Variants in AHDC1 observed in about 807,000 individuals in gnomAD.
AHDC1 encodes transcription factor Gibbin.
In AHDC1, 7 loss-of-function variants were observed where a neutral mutation model predicts 87.9. The observed-to-expected ratio is 0.08, with a 90% CI of 0.05 to 0.15. AHDC1 has a LOEUF of 0.15. Ranked by LOEUF, AHDC1 falls within the 10% of genes least tolerant of loss-of-function variation. AHDC1 has a pLI of 1.00. For synonymous variants in AHDC1, 1,051 were observed against 1,006.8 expected (o/e 1.04, Z -0.83); for missense variants, 1,841 against 2,253.2 (o/e 0.82, Z 3.70).
intron 8 of AHDC1, among the ~76,000 whole-genome samples, chr1:27,545,134 C>T (rs534019799): frequency 2.0e-5 from 3 of 151,122 alleles, no homozygotes; most frequent in South Asian, 4.3e-4. Flanking sequence ...ATGCTGTGTG[C>T]GCTCACAAGC....
At chr1:27,543,286 T>A (rs2019012670) in intron 8 of AHDC1, among the ~76,000 whole-genome samples, 1 of 152,196 alleles carries the variant, frequency 6.6e-6, no homozygotes, top group African/African-American at 2.4e-5. Flanking sequence ...ATAGGGTCGA[T>A]CTTTAGCCCA....
chr1:27,548,575 C>T lies in AHDC1; in HGVS notation c.3541G>A (p.Gly1181Arg). ...GCCTCGCTGTTGGCACGCCGAAACCCCCCGCCACCAACCGGCTGATTGAAC... is the reference window on the plus strand; with the variant it reads ...GCCTCGCTGTTGGCACGCCGAAACCTCCCGCCACCAACCGGCTGATTGAAC... Reference protein sequence around the residue: ...TQFNQPVGGGGFRRANSEASS... With the variant: ...TQFNQPVGGGRFRRANSEASS... Residue 1181 changes from glycine (G) to arginine (R), a missense_variant, in exon 8 of 9, where the codon GGG becomes AGG. Gly to Arg is a moderately radical substitution (Grantham distance 125). This residue lies in a region of AHDC1 where 505 missense variants were observed against 626.2 expected (regional missense o/e 0.81). Transcript: ENST00000673934. 6.2e-7 allele frequency: 1 copy of T among 1,613,598 alleles called. No homozygotes were observed. The highest frequency in any genetic ancestry group is 2.2e-5 in the East Asian group (1 of 44,888).
intron 3 of AHDC1, among the ~76,000 whole-genome samples, chr1:27,571,760 G>C (rs2088525000): frequency 1.3e-5 from 2 of 152,038 alleles, no homozygotes; most frequent in South Asian, 2.1e-4. Context: ...GTGTGTGCCA[G>C]GCGCTGGCAG....
chr1:27,566,716 AC>A (rs1397694466), intron 3 of AHDC1, among the ~76,000 whole-genome samples: 2 of 106,730 alleles, frequency 1.9e-5, no homozygotes, highest in East Asian at 6.4e-4. Flanking sequence ...CATTGCCAGA[AC>A]TGGGGGGGGA....
rs913338538 is a variant in AHDC1 at position 27,549,572 on chromosome 1, G to T, written c.2544C>A (p.Asp848Glu). 1.2e-6 allele frequency: 2 copies of T among 1,613,232 alleles called. No individual in the cohort carries two copies. The highest frequency in any genetic ancestry group is 2.7e-5 in the African/African-American group (2 of 75,066). ...GYFRSLLDSDDSSDLLDFALS... is the reference protein window; with the variant it reads ...GYFRSLLDSDESSDLLDFALS... The stretch of plus-strand genomic sequence containing the variant: ...GGGCAAAGTCCAAGAGATCGGAGGA[G>T]TCATCCGAATCGAGCAGCGAGCGAA... Residue 848 changes from aspartate (D) to glutamate (E), a missense_variant, in exon 8 of 9, where the codon GAC (aspartate) becomes GAA (glutamate). Physicochemically the swap from Asp to Glu is conservative, Grantham distance 45. Transcript: ENST00000673934.
intron 8 of AHDC1, among the ~76,000 whole-genome samples, chr1:27,545,470 G>A (rs560214367): frequency 1.1e-3 from 167 of 152,154 alleles, no homozygotes; most frequent in African/African-American, 3.8e-3. Context: ...ACTTCACTGA[G>A]CTGTGACCTG....
intron 8 of AHDC1, among the ~76,000 whole-genome samples, chr1:27,535,278 G>C (rs2018592445): frequency 6.6e-6 from 1 of 152,174 alleles, no homozygotes; most frequent in South Asian, 2.1e-4. Flanking sequence ...GCATGTTGTT[G>C]AACTTCTGTG....
chr1:27,547,708 G>C lies in AHDC1; in HGVS notation c.4408C>G (p.Pro1470Ala). The change falls in exon 8 of 9, where the codon CCA becomes GCA. Residue 1470 changes from proline (P) to alanine (A), a missense_variant. Transcript: ENST00000673934. This position sits in a 1 kb window ranked among gnomAD's most constrained non-coding sequence, Gnocchi z 4.9. ...GGCGGGCTGCGGGCAGCTGAGCCTG[G>C]AGGGTACCAATAGGCTGTGCCCTTG... Reference protein sequence around the residue: ...SCKGTAYWYPPGSAARSPPYE... With the variant: ...SCKGTAYWYPAGSAARSPPYE... The C allele has an allele frequency of 1.9e-6, 3 of 1,597,362 alleles. No individual in the cohort carries two copies. In the South Asian group the frequency reaches 3.3e-5, roughly 18 times the overall value.
chr1:27,577,937 G>A (rs1432765449), intron 3 of AHDC1, among the ~76,000 whole-genome samples: 1 of 152,182 alleles, frequency 6.6e-6, no homozygotes, highest in African/African-American at 2.4e-5. Context: ...GGGAACCCCT[G>A]ACTCCCCAGC....
intron 8 of AHDC1, among the ~76,000 whole-genome samples, chr1:27,546,789 TG>T (rs2019186941): frequency 6.6e-6 from 1 of 152,072 alleles, no homozygotes; most frequent in Admixed American, 6.5e-5. Flanking sequence ...CCCAGGGAAA[TG>T]GGGGTGCCAG....
rs1330373452 is a variant in AHDC1, at chr1:27,548,705, G to A, written c.3411C>T (p.Ser1137=). The A allele has an allele frequency of 4.3e-6, 7 of 1,613,256 alleles. No individual in the cohort carries two copies. The highest frequency in any genetic ancestry group is 1.6e-4 in the Middle Eastern group (1 of 6,084). ...AGATGTCCAGGATCACGTTGGGCTC[G>A]CTGACGTGGCAGTCAAAACTGGGAT... The part of the protein sequence containing the change: ...LYNPSFDCHV[S]EPNVILDISN... Residue 1137 remains serine (S), a synonymous_variant, in exon 8 of 9, where the codon AGC becomes AGT. Transcript: ENST00000673934.
intron 3 of AHDC1, among the ~76,000 whole-genome samples, chr1:27,596,378 C>T (rs755956104): frequency 1.8e-4 from 28 of 152,086 alleles, no homozygotes; most frequent in Non-Finnish European, 3.5e-4. Flanking sequence ...GGGGGAACTG[C>T]ACAGCAAACA....
intron 5 of AHDC1, among the ~76,000 whole-genome samples, chr1:27,556,428 C>T (rs2148321753): frequency 6.6e-6 from 1 of 152,120 alleles, no homozygotes; most frequent in Admixed American, 6.5e-5. Flanking sequence ...TGAGACCTTC[C>T]CATCACCTCC....
chr1:27,548,973 C>T lies in AHDC1; in HGVS notation c.3143G>A (p.Gly1048Asp). The change falls in exon 8 of 9, where the codon GGT (glycine) becomes GAT (aspartate). Residue 1048 changes from glycine (G) to aspartate (D), a missense_variant. Around this residue, in one of 13 missense-constraint regions of AHDC1, gnomAD observed 378 missense variants for 399.0 expected, o/e 0.95. Coordinates refer to ENST00000673934, the MANE Select transcript of AHDC1 (RefSeq NM_001371928.1). ...FSSSEGAPFSGSAPTPLRCDS... is the reference protein window; with the variant it reads ...FSSSEGAPFSDSAPTPLRCDS... The stretch of plus-strand genomic sequence containing the variant: ...ACAGCGCAGGGGCGTGGGGGCTGAA[C>T]CAGAGAAGGGGGCCCCCTCAGAGCT... 6.4e-7 allele frequency: 1 copy of T among 1,565,704 alleles called. No individual in the cohort carries two copies. The highest frequency in any genetic ancestry group is 8.7e-7 in the Non-Finnish European group (1 of 1,154,364).
chr1:27,535,837 C>T (rs1285487607), intron 8 of AHDC1, among the ~76,000 whole-genome samples: 2 of 152,120 alleles, frequency 1.3e-5, no homozygotes, highest in Non-Finnish European at 2.9e-5. Flanking sequence ...GACTTCCCTA[C>T]CCAGACCCCC....
At position 27,549,367 on chromosome 1, in the gene AHDC1, C is replaced by T. The variant is rs749511928; in HGVS notation, c.2749G>A (p.Ala917Thr). 1.6e-5 allele frequency: 25 copies of T among 1,612,832 alleles called. 1 individual carries two copies. The highest frequency in any genetic ancestry group is 5.0e-5 in the Admixed American group (3 of 59,978). The change falls in exon 8 of 9, where the codon GCG (alanine) becomes ACG (threonine). Residue 917 changes from alanine (A) to threonine (T), a missense_variant. This residue lies in a region of AHDC1 where 378 missense variants were observed against 399.0 expected (regional missense o/e 0.95). Coordinates refer to ENST00000673934, the MANE Select transcript of AHDC1 (RefSeq NM_001371928.1). Reference protein sequence around the residue: ...ADPSFQPVLSARQTFPPGRAA... With the variant: ...ADPSFQPVLSTRQTFPPGRAA... ...CGTCCTGGTGGGAAGGTCTGGCGCG[C>T]GGACAGGACAGGCTGAAAGGAGGGG...
chr1:27,563,432 T>A lies in AHDC1; in HGVS notation c.-628-4549A>T, dbSNP rs1336250681. Among the ~76,000 whole-genome samples, 1 of 152,102 alleles carries A rather than the reference T, an allele frequency of 6.6e-6. No individual in the cohort carries two copies. Among genetic ancestry groups the A allele is most frequent in the Non-Finnish European group, 1.5e-5 (1 of 68,016 alleles). On this transcript the variant is annotated intron_variant, in intron 3 of 8. Coordinates refer to ENST00000673934, the MANE Select transcript of AHDC1 (RefSeq NM_001371928.1). This position sits in a 1 kb window ranked among gnomAD's most constrained non-coding sequence, Gnocchi z 6.1. Reference sequence around the variant, plus strand: ...GGACCCCTCCACCCACCACACAGCATGAGGCAGGGACATAACCTCGCCCCT... The same window carrying A: ...GGACCCCTCCACCCACCACACAGCAAGAGGCAGGGACATAACCTCGCCCCT...
At position 27,590,294 on chromosome 1, in the gene AHDC1, G is replaced by A. The variant is rs1335482905; in HGVS notation, c.-629+13103C>T. Reference sequence around the variant, plus strand: ...AGCAGCGAGTTCCCTGGGGAGCTGGGCGGGGAGGCCCACAACTCCAACCTA... The same window carrying A: ...AGCAGCGAGTTCCCTGGGGAGCTGGACGGGGAGGCCCACAACTCCAACCTA... On this transcript the variant is annotated intron_variant, in intron 3 of 8. Coordinates refer to ENST00000673934, the MANE Select transcript of AHDC1 (RefSeq NM_001371928.1). This position sits in a 1 kb window ranked among gnomAD's most constrained non-coding sequence, Gnocchi z 5.4. 6.6e-6 allele frequency among the ~76,000 whole-genome samples: 1 copy of A among 152,186 alleles called. No homozygotes were observed. Among genetic ancestry groups the A allele is most frequent in the African/African-American group, 2.4e-5 (1 of 41,454 alleles).
At chr1:27,557,833 A>C (rs1448791943) in intron 5 of AHDC1, among the ~76,000 whole-genome samples, 1 of 151,838 alleles carries the variant, frequency 6.6e-6, no homozygotes, top group Admixed American at 6.6e-5. Context: ...CAGCCCTTGA[A>C]CGCTCCCCAG....
Sources: gnomAD v4.1 joint callset for allele counts (sites outside exome capture counted in the v4.1 genomes callset) on GRCh38, gnomAD v4.1.1 for gene constraint, gnomAD v4.1.1 regional missense constraint, Gnocchi (gnomAD v3.1) non-coding constraint, MANE v1.5 for transcripts, NCBI Gene and HGNC (gene_info 2026-07-23, HGNC 2026-07-21) for gene names.